Variants in HDGFL3 observed in about 807,000 individuals in gnomAD.
HDGFL3 encodes the protein HDGF like 3.
A neutral mutation model predicts 27.6 loss-of-function variants in HDGFL3; 6 were observed. The ratio of observed to expected loss-of-function variants is 0.22; its 90% CI spans 0.12 to 0.43. HDGFL3 has a LOEUF of 0.43. HDGFL3 is among the 20% of genes least tolerant of loss of function. HDGFL3 has a pLI of 1.00. For synonymous variants in HDGFL3, 88 were observed against 88.9 expected, an observed-to-expected ratio of 0.99 and a Z score of 0.05; for missense variants, 207 against 250.1, an observed-to-expected ratio of 0.83 and a Z score of 1.16.
Position 83,169,600 on chromosome 15 carries a change from G to A in HDGFL3, c.85-5525C>T, listed in dbSNP as rs187191750. Among the ~76,000 whole-genome samples, 17 of 151,866 alleles carry A rather than the reference G, an allele frequency of 1.1e-4. No homozygotes were observed. The East Asian group carries it at 1.9e-3, about 17-fold the overall frequency. ...GAGGGTAACTTGAGGTCAGGAGTTCGAGACCAGTCTGGCCAACATGCTAAA... is the reference window on the plus strand; with the variant it reads ...GAGGGTAACTTGAGGTCAGGAGTTCAAGACCAGTCTGGCCAACATGCTAAA... On this transcript the variant is annotated intron_variant, in intron 1 of 5. Transcript: ENST00000299633.
intron 1 of HDGFL3, among the ~76,000 whole-genome samples, chr15:83,195,576 C>G (rs1201918125): frequency 6.6e-6 from 1 of 152,088 alleles, no homozygotes. Flanking sequence ...ATCACAGTTA[C>G]TAACCCAGAA....
intron 5 of HDGFL3, among the ~76,000 whole-genome samples, chr15:83,141,252 T>C (rs1168210021): frequency 6.6e-6 from 1 of 152,146 alleles, no homozygotes; most frequent in Non-Finnish European, 1.5e-5. Context: ...AGATAATGGC[T>C]GAAGAATCCA....
chr15:83,120,080 T>C, intron 3 of HDGFL3: 1 of 196,906 alleles, frequency 5.1e-6, no homozygotes. Flanking sequence ...TGGCTCGCAC[T>C]AAGGCTTGGC....
chr15:83,201,074 C>T (rs973863203), intron 1 of HDGFL3, among the ~76,000 whole-genome samples: 2 of 151,882 alleles, frequency 1.3e-5, no homozygotes, highest in Non-Finnish European at 2.9e-5. Context: ...ACATAGTTGC[C>T]AATAGTTTAA....
chr15:83,207,270 C>T lies in HDGFL3; in HGVS notation c.84+61G>A. On this transcript the variant is annotated intron_variant, in intron 1 of 5. Transcript: ENST00000299633. The surrounding 1 kb of genome is among the most constrained non-coding windows in gnomAD (Gnocchi z 4.8). ...TGAGGCGATGGGGAAAGGGGGCGGG[C>T]GCGCCATCATGAAGGGGAAAATGGT... is the stretch of plus-strand genomic sequence containing the variant. 8.7e-7 allele frequency: 1 copy of T among 1,146,446 alleles called. No homozygotes were observed. Among genetic ancestry groups the T allele is most frequent in the Non-Finnish European group, 1.1e-6 (1 of 880,890 alleles). 71.0% of individuals were successfully genotyped at this position (1,146,446 alleles called of 1,614,324 possible).
intron 3 of HDGFL3, among the ~76,000 whole-genome samples, chr15:83,116,156 C>T (rs1478577346): frequency 2.6e-5 from 4 of 152,222 alleles, no homozygotes; most frequent in Admixed American, 6.5e-5. Flanking sequence ...ATTCAGCTCT[C>T]ACGGCTTCTC....
intron 5 of HDGFL3, 89 bp downstream of exon 5, chr15:83,151,126 A>G: frequency 8.4e-7 from 1 of 1,192,474 alleles, no homozygotes. Context: ...TTATCAACAC[A>G]ATGTTTACTA....
At chr15:83,191,450 C>T (rs892444304) in intron 1 of HDGFL3, among the ~76,000 whole-genome samples, 1 of 152,146 alleles carries the variant, frequency 6.6e-6, no homozygotes, top group African/African-American at 2.4e-5. Flanking sequence ...TTAGAAGCCT[C>T]AATATTCTAA....
chr15:83,187,131 T>C (rs2151418483), intron 1 of HDGFL3, among the ~76,000 whole-genome samples: 1 of 152,252 alleles, frequency 6.6e-6, no homozygotes, highest in African/African-American at 2.4e-5. Flanking sequence ...GGGCTGTATG[T>C]CACAGAAGCT....
intron 3 of HDGFL3, among the ~76,000 whole-genome samples, chr15:83,116,839 A>G (rs1466187184): frequency 1.3e-5 from 2 of 152,202 alleles, no homozygotes; most frequent in African/African-American, 4.8e-5. Context: ...GAGGCCTAAG[A>G]CAGTGTCCTG....
chr15:83,175,202 C>T (rs147237903), intron 1 of HDGFL3, among the ~76,000 whole-genome samples: 3 of 152,230 alleles, frequency 2.0e-5, no homozygotes, highest in Admixed American at 6.5e-5. Flanking sequence ...GCTTGCTTAG[C>T]CCCTTTGAGT....
chr15:83,158,026 G>A lies in HDGFL3; in HGVS notation c.177C>T (p.Pro59=), dbSNP rs1322821020. Reference sequence around the variant, plus strand: ...ACTCCTTATATGGAAAAAGGTCTTTGGGACCTAGAAATGCACTGCAGAGAC... The same window carrying A: ...ACTCCTTATATGGAAAAAGGTCTTTAGGACCTAGAAATGCACTGCAGAGAC... The part of the protein sequence containing the change: ...FGTHETAFLG[P]KDLFPYKEYK... Residue 59 remains proline, a synonymous_variant, in exon 3 of 6, where the codon CCC becomes CCT. Coordinates refer to ENST00000299633, the MANE Select transcript of HDGFL3 (RefSeq NM_016073.4). 1 of 1,609,648 alleles carries A rather than the reference G, an allele frequency of 6.2e-7. No homozygotes were observed. The highest frequency in any genetic ancestry group is 2.2e-5 in the East Asian group (1 of 44,786).
intron 5 of HDGFL3, among the ~76,000 whole-genome samples, chr15:83,149,549 A>G (rs1220494875): frequency 1.3e-5 from 2 of 152,164 alleles, no homozygotes; most frequent in Non-Finnish European, 2.9e-5. Context: ...GAAATGTCTG[A>G]TAGTATTAAA....
At chr15:83,175,288 G>T (rs1041685215) in intron 1 of HDGFL3, among the ~76,000 whole-genome samples, 2 of 152,162 alleles carry the variant, frequency 1.3e-5, no homozygotes, top group African/African-American at 4.8e-5. Flanking sequence ...GTTCCCTCAT[G>T]AATTTAATGT....
intron 1 of HDGFL3, among the ~76,000 whole-genome samples, chr15:83,190,424 A>C (rs1385674904): frequency 2.0e-5 from 3 of 152,196 alleles, no homozygotes; most frequent in African/African-American, 7.2e-5. Flanking sequence ...ATACTTCTTC[A>C]GTATTGTATA....
At chr15:83,194,020 G>A (rs2037542377) in intron 1 of HDGFL3, among the ~76,000 whole-genome samples, 1 of 152,062 alleles carries the variant, frequency 6.6e-6, no homozygotes, top group Non-Finnish European at 1.5e-5. Context: ...CCCAATTTGG[G>A]GGCTCACCTG....
intron 1 of HDGFL3, among the ~76,000 whole-genome samples, chr15:83,197,179 G>A (rs1219126509): frequency 6.6e-6 from 1 of 152,234 alleles, no homozygotes; most frequent in African/African-American, 2.4e-5. Flanking sequence ...CATAGCATAA[G>A]ATAGGGTCAG....
At chr15:83,152,074 C>T (rs1206057153) in intron 4 of HDGFL3, among the ~76,000 whole-genome samples, 4 of 152,264 alleles carry the variant, frequency 2.6e-5, no homozygotes, top group Middle Eastern at 6.8e-3. Context: ...CCCAATTGTG[C>T]GCCTTAAGAA....
rs539819508 is a variant in HDGFL3 at position 83,137,599 on chromosome 15, C to T, written c.*1671G>A. On this transcript the variant is annotated 3_prime_UTR_variant, in exon 6 of 6. Transcript: ENST00000299633. ...AGTATTAGATCGACATCCCTACTAT[C>T]TTTTTATGAACTTTTCATGTTTGGG... 2.4e-4 allele frequency: 36 copies of T among 152,166 alleles called. No individual in the cohort carries two copies. Among genetic ancestry groups the T allele is most frequent in the African/African-American group, 8.7e-4 (36 of 41,520 alleles). The allele number at this position is 152,166 out of a possible 1,614,324, so 9.4% of individuals were successfully genotyped here.
Sources: gnomAD v4.1 joint callset for allele counts (sites outside exome capture counted in the v4.1 genomes callset) on GRCh38, gnomAD v4.1.1 for gene constraint, Gnocchi (gnomAD v3.1) non-coding constraint, MANE v1.5 for transcripts, NCBI Gene and HGNC (gene_info 2026-07-23, HGNC 2026-07-21) for gene names.